The following TRIM33 variants were observed in gnomAD, a reference collection of about 807,000 sequenced individuals.
The protein encoded by TRIM33 is tripartite motif containing 33.
TRIM33 carries 20 observed loss-of-function variants against 125.4 expected under a neutral mutation model. That is an observed-to-expected ratio of 0.16 (90% CI 0.11 to 0.23). The LOEUF is 0.23. TRIM33 is among the 10% of genes least tolerant of loss of function. The pLI, the probability that TRIM33 is intolerant of heterozygous loss-of-function variation, is 1.00. For synonymous variants in TRIM33, 564 were observed against 513.9 expected, an observed-to-expected ratio of 1.10 and a Z score of -1.32; for missense variants, 920 against 1,411.4, an observed-to-expected ratio of 0.65 and a Z score of 5.58.
intron 1 of TRIM33, among the ~76,000 whole-genome samples, chr1:114,491,024 A>C (rs1423433559): frequency 3.3e-5 from 5 of 152,200 alleles, no homozygotes; most frequent in East Asian, 1.9e-4. Flanking sequence ...GGGGTAAGTG[A>C]GTAATAACTG....
intron 4 of TRIM33, among the ~76,000 whole-genome samples, chr1:114,462,365 C>A (rs1233892975): frequency 1.3e-5 from 2 of 152,132 alleles, no homozygotes; most frequent in African/African-American, 4.8e-5. Flanking sequence ...GTGTGGTTAA[C>A]CCAAGTTCTC....
At chr1:114,442,974 C>A (rs1280078884) in intron 4 of TRIM33, among the ~76,000 whole-genome samples, 1 of 152,006 alleles carries the variant, frequency 6.6e-6, no homozygotes, top group Non-Finnish European at 1.5e-5. Context: ...TATCTGCTCT[C>A]AAGTTTATCC....
chr1:114,503,856 T>C (rs1375495520), intron 1 of TRIM33, among the ~76,000 whole-genome samples: 1 of 152,192 alleles, frequency 6.6e-6, no homozygotes, highest in Non-Finnish European at 1.5e-5. Flanking sequence ...AGTTTTTAAG[T>C]AAAACCATAG....
At chr1:114,409,618 T>A (rs1652455965) in intron 12 of TRIM33, among the ~76,000 whole-genome samples, 1 of 152,132 alleles carries the variant, frequency 6.6e-6, no homozygotes, top group African/African-American at 2.4e-5. Flanking sequence ...AGACTACAGA[T>A]ATATATTAAT....
intron 1 of TRIM33, among the ~76,000 whole-genome samples, chr1:114,472,871 A>G (rs577832861): frequency 1.3e-5 from 2 of 152,290 alleles, no homozygotes; most frequent in South Asian, 4.1e-4. Flanking sequence ...AAAGACTAGG[A>G]GAAAAATAAC....
At chr1:114,436,562 T>C (rs1256582691) in intron 4 of TRIM33, among the ~76,000 whole-genome samples, 1 of 151,866 alleles carries the variant, frequency 6.6e-6, no homozygotes, top group African/African-American at 2.4e-5. Context: ...ACCTCCCAGG[T>C]TCAAGCAGTT....
At chr1:114,409,523 A>C (rs1557846523) in intron 12 of TRIM33, among the ~76,000 whole-genome samples, 1 of 152,098 alleles carries the variant, frequency 6.6e-6, no homozygotes, top group Non-Finnish European at 1.5e-5. Flanking sequence ...TCTTCAACTG[A>C]CTCTGTATTG....
intron 11 of TRIM33, among the ~76,000 whole-genome samples, chr1:114,414,512 T>C (rs1652806051): frequency 6.6e-6 from 1 of 152,166 alleles, no homozygotes; most frequent in Non-Finnish European, 1.5e-5. Context: ...CCTAATAAAA[T>C]TTACTGATGA....
intron 1 of TRIM33, among the ~76,000 whole-genome samples, chr1:114,509,856 G>A (rs1414214760): frequency 2.0e-5 from 3 of 152,152 alleles, no homozygotes; most frequent in Non-Finnish European, 4.4e-5. Context: ...AACACTAGGG[G>A]CTCATTAACG....
intron 17 of TRIM33, 43 bp from the exon 18 acceptor site, chr1:114,399,652 G>A (rs1651750444): frequency 1.3e-6 from 2 of 1,488,444 alleles, no homozygotes; most frequent in South Asian, 1.2e-5. Flanking sequence ...CTCCAAAAAT[G>A]CCAAACTGTT....
At chr1:114,451,139 T>C (rs776507264) in intron 4 of TRIM33, among the ~76,000 whole-genome samples, 4 of 152,148 alleles carry the variant, frequency 2.6e-5, no homozygotes, top group Admixed American at 6.5e-5. Context: ...TTCAGCCTGG[T>C]ACTTCCTCCC....
chr1:114,408,825 T>TGGAA, intron 12 of TRIM33, 85 bp from the exon 13 acceptor site: 1 of 925,378 alleles, frequency 1.1e-6, no homozygotes, highest in East Asian at 2.8e-5. Context: ...TCAAGATTAT[T>TGGAA]ATAACCCAGC....
intron 1 of TRIM33, among the ~76,000 whole-genome samples, chr1:114,476,245 A>G (rs953947883): frequency 4.6e-5 from 7 of 152,014 alleles, no homozygotes; most frequent in Admixed American, 3.3e-4. Context: ...TTCAATTAAA[A>G]AGATACTGAA....
chr1:114,468,564 A>C, intron 1 of TRIM33: 1 of 398,500 alleles, frequency 2.5e-6, no homozygotes, highest in South Asian at 2.1e-5. Flanking sequence ...AAGAAAAGAA[A>C]AAAACAAAAA....
chr1:114,409,045 CATTA>C (rs956286060), intron 12 of TRIM33, among the ~76,000 whole-genome samples: 12 of 152,170 alleles, frequency 7.9e-5, no homozygotes, highest in African/African-American at 7.2e-5. Flanking sequence ...CTTAGGTTCC[CATTA>C]ATTATTTTCA....
At chr1:114,470,511 TCTCC>T (rs990892073) in intron 1 of TRIM33, among the ~76,000 whole-genome samples, 4 of 152,110 alleles carry the variant, frequency 2.6e-5, no homozygotes, top group Non-Finnish European at 5.9e-5. Context: ...TCCCTGTCTC[TCTCC>T]CTTTCTCAGG....
chr1:114,424,679 C>A lies in TRIM33; in HGVS notation c.1772G>T (p.Arg591Ile). The change falls in exon 10 of 20, where the codon AGA (arginine) becomes ATA (isoleucine). Residue 591 changes from arginine to isoleucine, a missense_variant. This residue lies in a region of TRIM33 where 407 missense variants were observed against 589.7 expected (regional missense o/e 0.69). Transcript: ENST00000358465. ...TATTCTGGCAGCATTCTGAGCCAGTCTCATCTGATGGGCTTGAAAAGCTCC... is the reference window on the plus strand; with the variant it reads ...TATTCTGGCAGCATTCTGAGCCAGTATCATCTGATGGGCTTGAAAAGCTCC... ...NCGAFQAHQM[R>I]LAQNAARIPG... 6.2e-7 allele frequency: 1 copy of A among 1,612,028 alleles called. No homozygotes were observed. The highest frequency in any genetic ancestry group is 8.5e-7 in the Non-Finnish European group (1 of 1,178,824).
chr1:114,468,837 G>A (rs78942274), intron 1 of TRIM33: 162 of 277,856 alleles, frequency 5.8e-4, no homozygotes, highest in African/African-American at 3.3e-3. Context: ...TACACATAAG[G>A]AGCTACTGAA....
intron 4 of TRIM33, among the ~76,000 whole-genome samples, chr1:114,452,904 C>T (rs1437860862): frequency 6.6e-6 from 1 of 150,922 alleles, no homozygotes; most frequent in Admixed American, 6.6e-5. Context: ...CACCCTGTCT[C>T]CTAAAAACAA....
Sources: allele counts gnomAD v4.1 joint callset (sites outside exome capture counted in the v4.1 genomes callset), GRCh38; gene constraint gnomAD v4.1.1; regional missense constraint gnomAD v4.1.1; transcripts MANE v1.5; gene names NCBI Gene and HGNC (gene_info 2026-07-23, HGNC 2026-07-21).